PLEKHG1: variants seen among roughly 807,000 people sequenced by gnomAD.
PLEKHG1 encodes the protein pleckstrin homology domain-containing family G member 1.
In PLEKHG1, 44 loss-of-function variants were observed where a neutral mutation model predicts 100.8. The observed-to-expected ratio is 0.44, with a 90% confidence interval of 0.34 to 0.56. PLEKHG1 has a LOEUF of 0.56. Ranked by LOEUF, PLEKHG1 falls within the 20% of genes least tolerant of loss-of-function variation. The pLI is 0.01. For synonymous variants in PLEKHG1, 640 were observed against 662.5 expected (o/e 0.97, Z 0.52); for missense variants, 1,545 against 1,720.9 (o/e 0.90, Z 1.81).
chr6:150,786,515 T>G (rs2128652397), intron 4 of PLEKHG1, 56 bp downstream of exon 5: 1 of 1,158,926 alleles, frequency 8.6e-7, no homozygotes, highest in Non-Finnish European at 1.3e-6. Flanking sequence ...TACAGAATTT[T>G]TCATTTTAAA....
At chr6:150,674,632 C>CCTCTCTCTCTCTCTCT (rs756355880) in intron 3 of PLEKHG1, among the ~76,000 whole-genome samples, 26 of 66,308 alleles carry the variant, frequency 3.9e-4, no homozygotes, top group East Asian at 1.3e-3. Context: ...CTCTCTCCTC[C>CCTCTCTCTCTCTCTCT]CTCTCTCTCT....
At chr6:150,628,527 A>ACACACAC (rs1358863303) in intron 1 of PLEKHG1, among the ~76,000 whole-genome samples, 5 of 94,760 alleles carry the variant, frequency 5.3e-5, no homozygotes, top group Non-Finnish European at 1.0e-4. Context: ...TAGATAGGAA[A>ACACACAC]ACACACACAC....
intron 4 of PLEKHG1, among the ~76,000 whole-genome samples, chr6:150,787,012 AAGAGTG>A (rs1398511672): frequency 2.0e-5 from 3 of 149,484 alleles, no homozygotes; most frequent in Non-Finnish European, 4.5e-5. Flanking sequence ...CCTGGGTGAC[AAGAGTG>A]AGACTCTGTC....
exon 16 of PLEKHG1, chr6:150,841,258 T>C (rs571042051): frequency 3.2e-6 from 1 of 316,502 alleles, no homozygotes; most frequent in South Asian, 3.2e-5. Context: ...CAGGTAGTTT[T>C]ATCCTGTGAC....
At chr6:150,832,069 G>T in exon 15 of PLEKHG1, 1 of 1,614,218 alleles carries the variant, frequency 6.2e-7, no homozygotes, top group Non-Finnish European at 8.5e-7. Context: ...ACAGTCAGAA[G>T]ATTAAGAAGG....
chr6:150,713,903 GTAAAGGTGAT>G (rs1435889943), intron 3 of PLEKHG1, among the ~76,000 whole-genome samples: 2 of 152,146 alleles, frequency 1.3e-5, no homozygotes, highest in Non-Finnish European at 2.9e-5. Flanking sequence ...GCAAGCCTCC[GTAAAGGTGAT>G]TTAAGTCTCA....
intron 3 of PLEKHG1, among the ~76,000 whole-genome samples, chr6:150,781,756 A>C (rs575941096): frequency 3.6e-3 from 546 of 152,006 alleles, no homozygotes; most frequent in African/African-American, 0.012. Context: ...CTGTTTTAAA[A>C]GATCCTTTCT....
At chr6:150,777,525 C>T (rs1361546245) in intron 3 of PLEKHG1, among the ~76,000 whole-genome samples, 29 of 147,370 alleles carry the variant, frequency 2.0e-4, no homozygotes, top group African/African-American at 6.5e-4. Flanking sequence ...AATCCTGGTG[C>T]ACATGTGCGG....
intron 7 of PLEKHG1, 53 bp downstream of exon 8, chr6:150,804,794 T>G: frequency 6.4e-7 from 1 of 1,571,076 alleles, no homozygotes; most frequent in Non-Finnish European, 8.7e-7. Context: ...AGTGACTTAC[T>G]GTTTTCCCAA....
chr6:150,643,504 A>G (rs546033827), intron 2 of PLEKHG1, among the ~76,000 whole-genome samples: 22 of 152,354 alleles, frequency 1.4e-4, no homozygotes, highest in African/African-American at 5.3e-4. Flanking sequence ...ATTTACATGC[A>G]GCATGTGGTG....
intron 1 of PLEKHG1, among the ~76,000 whole-genome samples, chr6:150,606,337 G>A (rs1352292791): frequency 6.6e-6 from 1 of 152,154 alleles, no homozygotes; most frequent in Non-Finnish European, 1.5e-5. Context: ...CCTTCCTTCT[G>A]TTTTATAGAT....
chr6:150,741,420 T>A (rs1008738411), intron 2 of PLEKHG1, among the ~76,000 whole-genome samples: 23 of 152,298 alleles, frequency 1.5e-4, no homozygotes, highest in African/African-American at 5.5e-4. Context: ...ACCATCCCCA[T>A]CACCTCAATA....
intron 2 of PLEKHG1, among the ~76,000 whole-genome samples, chr6:150,740,967 C>G (rs772788468): frequency 2.0e-4 from 31 of 152,150 alleles, no homozygotes; most frequent in Non-Finnish European, 2.1e-4. Flanking sequence ...ATTATGACCC[C>G]TTATTCCCCA....
At chr6:150,780,134 T>G (rs1370173980) in intron 3 of PLEKHG1, among the ~76,000 whole-genome samples, 1 of 128,036 alleles carries the variant, frequency 7.8e-6, no homozygotes, top group Non-Finnish European at 1.6e-5. Context: ...TTCCTTTTCT[T>G]TAATTTTTTT....
intron 4 of PLEKHG1, among the ~76,000 whole-genome samples, chr6:150,794,767 G>A (rs1452966578): frequency 6.6e-6 from 1 of 152,226 alleles, no homozygotes; most frequent in South Asian, 2.1e-4. Flanking sequence ...AGGGGAATGG[G>A]GGGTGGGGCA....
intron 3 of PLEKHG1, among the ~76,000 whole-genome samples, chr6:150,652,785 T>TA (rs1778805094): frequency 6.6e-6 from 1 of 152,190 alleles, no homozygotes; most frequent in Non-Finnish European, 1.5e-5. Flanking sequence ...GGTCTTTTTT[T>TA]TAACCAAGCA....
intron 6 of PLEKHG1, 149 bp downstream of exon 7, chr6:150,801,018 A>G (rs1315677396): frequency 1.5e-6 from 1 of 661,316 alleles, no homozygotes; most frequent in African/African-American, 1.8e-5. Flanking sequence ...TGCTTTGAGG[A>G]TTTGGAGATA....
chr6:150,645,810 A>G (rs1778469633), intron 2 of PLEKHG1, among the ~76,000 whole-genome samples: 1 of 152,210 alleles, frequency 6.6e-6, no homozygotes, highest in African/African-American at 2.4e-5. Flanking sequence ...AATTGGTACA[A>G]TCCTTGAAAA....
chr6:150,708,267 C>A (rs1293933807), intron 3 of PLEKHG1, among the ~76,000 whole-genome samples: 1 of 152,104 alleles, frequency 6.6e-6, no homozygotes, highest in African/African-American at 2.4e-5. Context: ...CATACTAAAT[C>A]AGAACTTCCT....
Sources: gnomAD v4.1 joint callset for allele counts (sites outside exome capture counted in the v4.1 genomes callset) on GRCh38, gnomAD v4.1.1 for gene constraint, MANE v1.5 for transcripts, NCBI Gene and HGNC (gene_info 2026-07-23, HGNC 2026-07-21) for gene names.